The following ZFHX3 variants were observed in gnomAD, a reference collection of about 807,000 sequenced individuals.
The protein encoded by ZFHX3 is zinc finger homeobox protein 3.
ZFHX3 carries 42 observed loss-of-function variants against 279.1 expected under a neutral mutation model. That is an observed-to-expected ratio of 0.15 (90% CI 0.12 to 0.19). The LOEUF (loss-of-function observed/expected upper bound fraction) is 0.19, where lower values mean the gene tolerates loss of function less well. ZFHX3 is among the 10% of genes least tolerant of loss of function. The pLI is 1.00. For synonymous variants in ZFHX3, 2,293 were observed against 1,957.8 expected (o/e 1.17, Z -4.52); for missense variants, 4,981 against 4,754.0 (o/e 1.05, Z -1.40).
At chr16:73,384,621 G>C (rs2016867939) in intron 3 of ZFHX3, among the ~76,000 whole-genome samples, 1 of 152,182 alleles carries the variant, frequency 6.6e-6, no homozygotes, top group Non-Finnish European at 1.5e-5. Context: ...AGAAAGTCTT[G>C]GACATCCCTG....
At chr16:73,618,218 T>TA (rs1230754525) in intron 2 of ZFHX3, among the ~76,000 whole-genome samples, 6 of 152,166 alleles carry the variant, frequency 3.9e-5, no homozygotes, top group Non-Finnish European at 7.4e-5. Context: ...TGCCAGACTG[T>TA]AAGAGGTTAG....
chr16:73,616,762 A>C (rs989345354), intron 2 of ZFHX3, among the ~76,000 whole-genome samples: 15 of 152,202 alleles, frequency 9.9e-5, no homozygotes, highest in African/African-American at 3.6e-4. Flanking sequence ...ATCCGATTTA[A>C]TATTATGAAG....
At chr16:73,440,853 T>G (rs1175189774) in intron 3 of ZFHX3, among the ~76,000 whole-genome samples, 2 of 152,198 alleles carry the variant, frequency 1.3e-5, no homozygotes, top group Non-Finnish European at 2.9e-5. Context: ...TGCCCCTTCC[T>G]CTTTATTGCT....
intron 2 of ZFHX3, among the ~76,000 whole-genome samples, chr16:73,485,424 G>GAA (rs796678890): frequency 4.4e-5 from 2 of 45,144 alleles, no homozygotes; most frequent in Non-Finnish European, 4.1e-5. Context: ...GGGTGAGGGA[G>GAA]AAAAAAAAAA....
chr16:73,096,388 T>C (rs753398156), intron 7 of ZFHX3, among the ~76,000 whole-genome samples: 3 of 151,050 alleles, frequency 2.0e-5, no homozygotes, highest in Non-Finnish European at 4.4e-5. Flanking sequence ...TCGTATGCAA[T>C]AGCTGAAGCC....
chr16:72,978,253 C>T (rs1026958821), intron 1 of ZFHX3, among the ~76,000 whole-genome samples: 3 of 152,194 alleles, frequency 2.0e-5, no homozygotes, highest in African/African-American at 7.2e-5. Context: ...TACTCAGCTA[C>T]AAGGCCTCTT....
intron 1 of ZFHX3, among the ~76,000 whole-genome samples, chr16:73,026,922 T>C (rs1463067334): frequency 6.6e-6 from 1 of 152,138 alleles, no homozygotes; most frequent in African/African-American, 2.4e-5. Flanking sequence ...GAGCCTAGAC[T>C]AGGGTTGGCA....
At chr16:73,070,381 A>AGG (rs1965807123) in intron 8 of ZFHX3, among the ~76,000 whole-genome samples, 1 of 152,140 alleles carries the variant, frequency 6.6e-6, no homozygotes, top group East Asian at 1.9e-4. Flanking sequence ...AGACACTCAT[A>AGG]GCATCTGAGC....
chr16:73,723,136 G>A (rs551705607), intron 1 of ZFHX3, among the ~76,000 whole-genome samples: 1 of 152,250 alleles, frequency 6.6e-6, no homozygotes, highest in Non-Finnish European at 1.5e-5. Context: ...TCCACTATGA[G>A]AAACACAACC....
intron 1 of ZFHX3, among the ~76,000 whole-genome samples, chr16:72,992,606 C>T (rs545935097): frequency 1.3e-5 from 2 of 152,300 alleles, no homozygotes; most frequent in East Asian, 1.9e-4. Flanking sequence ...GGGGACTCAG[C>T]CACATTTCTC....
At chr16:73,713,547 A>G (rs1429070871) in intron 1 of ZFHX3, among the ~76,000 whole-genome samples, 2 of 152,196 alleles carry the variant, frequency 1.3e-5, no homozygotes, top group Non-Finnish European at 2.9e-5. Context: ...TTGCAGGCAC[A>G]TACTCCAGAC....
At chr16:73,235,230 T>C (rs1567425905) in intron 5 of ZFHX3, among the ~76,000 whole-genome samples, 1 of 152,006 alleles carries the variant, frequency 6.6e-6, no homozygotes, top group Non-Finnish European at 1.5e-5. Context: ...CCACCACGCC[T>C]GGCAAATCTT....
At chr16:73,302,178 C>G (rs59448017) in intron 4 of ZFHX3, among the ~76,000 whole-genome samples, 18 of 152,134 alleles carry the variant, frequency 1.2e-4, no homozygotes, top group Admixed American at 4.6e-4. Flanking sequence ...TTCCCCCTTT[C>G]TATGCCCTTT....
At chr16:73,652,297 C>T (rs1168110107) in intron 2 of ZFHX3, among the ~76,000 whole-genome samples, 3 of 152,152 alleles carry the variant, frequency 2.0e-5, no homozygotes, top group African/African-American at 4.8e-5. Flanking sequence ...TAAGCTTGCC[C>T]AGTTGTGGAT....
chr16:73,810,565 C>T (rs988337142), intron 1 of ZFHX3, among the ~76,000 whole-genome samples: 12 of 152,096 alleles, frequency 7.9e-5, no homozygotes, highest in Admixed American at 6.6e-4. Flanking sequence ...GTTTGTAAAG[C>T]GCTTTCACAC....
intron 1 of ZFHX3, among the ~76,000 whole-genome samples, chr16:73,849,505 C>T (rs1961540937): frequency 2.0e-5 from 3 of 152,116 alleles, no homozygotes; most frequent in South Asian, 4.1e-4. Context: ...ATAACAGGGC[C>T]TGGTTTAAAA....
intron 1 of ZFHX3, among the ~76,000 whole-genome samples, chr16:73,779,248 A>G (rs1959368535): frequency 6.6e-6 from 1 of 152,228 alleles, no homozygotes; most frequent in South Asian, 2.1e-4. Flanking sequence ...CATACATTCA[A>G]AGACCACCAC....
intron 9 of ZFHX3, chr16:72,791,076 C>G (rs991573405): frequency 7.9e-5 from 12 of 152,184 alleles, no homozygotes; most frequent in African/African-American, 2.7e-4. Flanking sequence ...CTTCATCCCC[C>G]CTAGACTTAC....
intron 2 of ZFHX3, among the ~76,000 whole-genome samples, chr16:73,638,489 A>C (rs1170476736): frequency 2.0e-5 from 3 of 152,230 alleles, no homozygotes; most frequent in South Asian, 2.1e-4. Flanking sequence ...CTAGGTATTT[A>C]AATGACTTCA....
Sources: allele counts gnomAD v4.1 joint callset (sites outside exome capture counted in the v4.1 genomes callset), GRCh38; gene constraint gnomAD v4.1.1; transcripts MANE v1.5; gene names NCBI Gene and HGNC (gene_info 2026-07-23, HGNC 2026-07-21).